XYLB: variants seen among roughly 807,000 people sequenced by gnomAD.
The protein encoded by XYLB is xylulose kinase.
A neutral mutation model predicts 78.7 loss-of-function variants in XYLB; 62 were observed. The ratio of observed to expected loss-of-function variants is 0.79; its 90% CI spans 0.64 to 0.97. The LOEUF is 0.97. XYLB is among the 50% of genes least tolerant of loss of function. XYLB has a pLI of 0.00. For missense variants in XYLB, 687 were observed against 676.8 expected, an observed-to-expected ratio of 1.02 and a Z score of -0.17; for synonymous variants, 245 against 247.4, an observed-to-expected ratio of 0.99 and a Z score of 0.09.
At position 38,346,826 on chromosome 3, in the gene XYLB, C is replaced by T. The variant is rs1705082828; in HGVS notation, c.-43C>T. The T allele has an allele frequency of 6.8e-7, 1 of 1,467,826 alleles. No individual in the cohort carries two copies. The highest frequency in any genetic ancestry group is 2.9e-5 in the East Asian group (1 of 33,910). The allele number at this position is 1,467,826 out of a possible 1,614,324, so 90.9% of individuals were successfully genotyped here. ...GCGCGGCGACTATCACGCCGCGTGGCGGACGGACGGACTGACGGACGCGCA... is the reference window on the plus strand; with the variant it reads ...GCGCGGCGACTATCACGCCGCGTGGTGGACGGACGGACTGACGGACGCGCA... On this transcript the variant is annotated 5_prime_UTR_variant, in exon 1 of 19. Transcript: ENST00000207870.
chr3:38,346,861 GA>G lies in XYLB; in HGVS notation c.-5del. 2 of 1,515,864 alleles carry G rather than the reference GA, an allele frequency of 1.3e-6. No individual in the cohort carries two copies. Among genetic ancestry groups the G allele is most frequent in the Non-Finnish European group, 1.8e-6 (2 of 1,134,456 alleles). The allele number at this position is 1,515,864 out of a possible 1,614,324, so 93.9% of individuals were successfully genotyped here. On this transcript the variant is annotated 5_prime_UTR_variant, in exon 1 of 19. Coordinates refer to ENST00000207870, the MANE Select transcript of XYLB (RefSeq NM_005108.4). ...GACTGACGGACGCGCAGCCTTACCC[GA>G]AAGGCCATGGCGGAGCACGCCCCTC... is the stretch of plus-strand genomic sequence containing the variant.
In XYLB at chr3:38,388,160, T is replaced by C. The variant is rs916765183; in HGVS notation, c.1292-7345T>C. On this transcript the variant is annotated intron_variant, in intron 15 of 18. Transcript: ENST00000207870. ...TCAGGAAGTGCGGGTGAGGTGGTGG[T>C]TTTTTTTTGTTTTTTTTTTTTTTTT... Among the ~76,000 whole-genome samples the C allele has an allele frequency of 1.2e-4, 3 of 24,672 alleles. No homozygotes were observed. In the Non-Finnish European group the frequency reaches 3.1e-3, roughly 26 times the overall value. 16.2% of individuals were successfully genotyped at this position (24,672 alleles called of 152,430 possible).
intron 14 of XYLB, among the ~76,000 whole-genome samples, chr3:38,377,652 G>C (rs939906938): frequency 6.6e-6 from 1 of 151,918 alleles, no homozygotes; most frequent in African/African-American, 2.4e-5. Flanking sequence ...TCTCCATGTT[G>C]GCCAGGCTGG....
intron 15 of XYLB, among the ~76,000 whole-genome samples, chr3:38,387,652 A>G (rs1004808891): frequency 6.6e-6 from 1 of 152,216 alleles, no homozygotes; most frequent in African/African-American, 2.4e-5. Flanking sequence ...GATTACAGGC[A>G]TGAGTCACTG....
At chr3:38,415,094 A>G (rs1039996259), downstream of XYLB, 10 of 152,250 alleles carry the variant, frequency 6.6e-5, no homozygotes, top group African/African-American at 2.4e-4. Context: ...AAGCCAAAGA[A>G]AAAGAACTAT....
At chr3:38,368,162 C>T (rs772000300) in intron 7 of XYLB, 23 bp from the exon 8 acceptor site, 127 of 1,612,172 alleles carry the variant, frequency 7.9e-5, no homozygotes, top group Non-Finnish European at 1.1e-4. Context: ...TGAGGCACCT[C>T]TCACTGTTTC....
At chr3:38,395,850 T>C (rs891081039) in intron 16 of XYLB, among the ~76,000 whole-genome samples, 2 of 152,198 alleles carry the variant, frequency 1.3e-5, no homozygotes, top group Middle Eastern at 3.2e-3. Context: ...GCAAACCTTC[T>C]CACATCTAGT....
chr3:38,431,561 G>T, the XYLB span, among the ~76,000 whole-genome samples: 1 of 152,136 alleles, frequency 6.6e-6, no homozygotes, highest in Non-Finnish European at 1.5e-5. Flanking sequence ...TTGCCTGATT[G>T]CCCTGGCCAG....
At position 38,362,974 on chromosome 3, in the gene XYLB, G is replaced by T; in HGVS notation, c.248G>T (p.Gly83Val). 2 of 1,584,828 alleles carry T rather than the reference G, an allele frequency of 1.3e-6. No individual in the cohort carries two copies. The highest frequency in any genetic ancestry group is 2.3e-5 in the South Asian group (2 of 86,606). Reference sequence around the variant, plus strand: ...ATCTTGGAGAAGATGAAGGCTTCGGGCTTCGACTTCTCTCAAGTCCTAGCC... The same window carrying T: ...ATCTTGGAGAAGATGAAGGCTTCGGTCTTCGACTTCTCTCAAGTCCTAGCC... ...DIILEKMKASGFDFSQVLALS... is the reference protein window; with the variant it reads ...DIILEKMKASVFDFSQVLALS... Residue 83 changes from glycine (G) to valine (V), a missense_variant, in exon 4 of 19, where the codon GGC becomes GTC. Coordinates refer to ENST00000207870, the MANE Select transcript of XYLB (RefSeq NM_005108.4).
At chr3:38,443,570 T>G in the XYLB span, among the ~76,000 whole-genome samples, 2 of 152,204 alleles carry the variant, frequency 1.3e-5, no homozygotes, top group African/African-American at 2.4e-5. Context: ...TTTCTCTGAT[T>G]TCACTTTTTC....
At chr3:38,446,112 C>G in the XYLB span, among the ~76,000 whole-genome samples, 2 of 152,150 alleles carry the variant, frequency 1.3e-5, no homozygotes, top group Admixed American at 1.3e-4. Flanking sequence ...GAAGGAGACC[C>G]AAGTGGGTTG....
chr3:38,396,832 C>G (rs1381421924), intron 16 of XYLB, among the ~76,000 whole-genome samples: 1 of 152,116 alleles, frequency 6.6e-6, no homozygotes, highest in African/African-American at 2.4e-5. Flanking sequence ...GGTGAAATGG[C>G]TAAAAAGTAC....
downstream of XYLB, among the ~76,000 whole-genome samples, chr3:38,419,603 T>TATATATATATATAA (rs71085322): frequency 7.6e-3 from 614 of 80,778 alleles, 77 homozygotes; most frequent in Non-Finnish European, 0.013. Context: ...TATATATATA[T>TATATATATATATAA]AATAGCCATC....
chr3:38,422,272 T>C (rs1052989223), downstream of XYLB, among the ~76,000 whole-genome samples: 4 of 152,190 alleles, frequency 2.6e-5, no homozygotes. Context: ...TTGTTATATC[T>C]ACTTCTGTTC....
chr3:38,424,762 A>T (rs1329793574), downstream of XYLB, among the ~76,000 whole-genome samples: 1 of 152,232 alleles, frequency 6.6e-6, no homozygotes, highest in Non-Finnish European at 1.5e-5. Context: ...TTACAATTTC[A>T]TGCAGATAAA....
intron 9 of XYLB, chr3:38,372,345 G>C (rs896263843): frequency 3.0e-5 from 29 of 980,376 alleles, no homozygotes; most frequent in South Asian, 4.7e-5. Flanking sequence ...AGAATTTGGA[G>C]CTTATAAAGC....
chr3:38,390,467 G>T (rs548936160), intron 15 of XYLB, among the ~76,000 whole-genome samples: 1 of 152,026 alleles, frequency 6.6e-6, no homozygotes, highest in Non-Finnish European at 1.5e-5. Flanking sequence ...TCCTGCCTCG[G>T]CCTCCCAAAC....
At chr3:38,436,939 G>C in the XYLB span, among the ~76,000 whole-genome samples, 3 of 151,396 alleles carry the variant, frequency 2.0e-5, no homozygotes, top group African/African-American at 7.3e-5. Context: ...AGGAGATGGA[G>C]GTTGCAGTGA....
At chr3:38,347,338 A>G (rs1244563721) in intron 1 of XYLB, among the ~76,000 whole-genome samples, 1 of 152,238 alleles carries the variant, frequency 6.6e-6, no homozygotes, top group Non-Finnish European at 1.5e-5. Context: ...GCGCACATGC[A>G]CAACCAGTGA....
Sources: allele counts gnomAD v4.1 joint callset (sites outside exome capture counted in the v4.1 genomes callset), GRCh38; gene constraint gnomAD v4.1.1; transcripts MANE v1.5; gene names NCBI Gene and HGNC (gene_info 2026-07-23, HGNC 2026-07-21).